GPHN: variants seen among roughly 807,000 people sequenced by gnomAD.
GPHN encodes gephyrin.
GPHN carries 17 observed loss-of-function variants against 95.5 expected under a neutral mutation model. The ratio of observed to expected loss-of-function variants is 0.18; its 90% CI spans 0.12 to 0.27. The LOEUF is 0.27. GPHN is among the 10% of genes least tolerant of loss of function. The pLI is 1.00. For synonymous variants in GPHN, 320 were observed against 322.5 expected (o/e 0.99, Z 0.08); for missense variants, 660 against 978.1 (o/e 0.67, Z 4.34).
chr14:67,537,492 T>C, the GPHN span, among the ~76,000 whole-genome samples: 5 of 150,828 alleles, frequency 3.3e-5, no homozygotes, highest in South Asian at 6.3e-4. Context: ...TGGTGAAACC[T>C]TGTCTTTACA....
At chr14:66,732,901 G>A (rs1297451679) in intron 2 of GPHN, among the ~76,000 whole-genome samples, 1 of 152,150 alleles carries the variant, frequency 6.6e-6, no homozygotes, top group Non-Finnish European at 1.5e-5. Context: ...AATTAATGCT[G>A]AAATGAGTTA....
chr14:66,644,670 TTAAC>T (rs994170164), intron 1 of GPHN, among the ~76,000 whole-genome samples: 2 of 152,082 alleles, frequency 1.3e-5, no homozygotes, highest in African/African-American at 2.4e-5. Context: ...AGACCACAGG[TTAAC>T]TAACTTGCTG....
chr14:67,714,742 T>C, the GPHN span: 1 of 152,142 alleles, frequency 6.6e-6, no homozygotes, highest in Non-Finnish European at 1.5e-5. Context: ...GGGATATAAG[T>C]TGAAAAGAGA....
the GPHN span, among the ~76,000 whole-genome samples, chr14:67,344,689 G>T: frequency 6.6e-6 from 1 of 151,722 alleles, no homozygotes; most frequent in Non-Finnish European, 1.5e-5. Context: ...GACCAGCCTG[G>T]GCAACGTAGC....
chr14:67,185,136 G>T (rs187302487), downstream of GPHN, among the ~76,000 whole-genome samples: 155 of 152,310 alleles, frequency 1.0e-3, no homozygotes, highest in Non-Finnish European at 1.0e-3. Flanking sequence ...GAATTTGTGT[G>T]TGAAAAAAGA....
the GPHN span, among the ~76,000 whole-genome samples, chr14:67,354,987 AT>A: frequency 1.3e-5 from 2 of 151,768 alleles, no homozygotes; most frequent in African/African-American, 4.8e-5. Context: ...CTAATTTTTT[AT>A]TTTTAGTAGA....
intron 9 of GPHN, among the ~76,000 whole-genome samples, chr14:66,971,619 G>A (rs2069789565): frequency 1.3e-5 from 2 of 152,022 alleles, no homozygotes; most frequent in Non-Finnish European, 2.9e-5. Context: ...TTTTATAATT[G>A]TGGATGTTCT....
At chr14:66,777,280 T>C (rs1188702053) in intron 3 of GPHN, among the ~76,000 whole-genome samples, 2 of 152,112 alleles carry the variant, frequency 1.3e-5, no homozygotes, top group Non-Finnish European at 2.9e-5. Context: ...CAGGAAGAAG[T>C]TGAATCTCTG....
intron 8 of GPHN, among the ~76,000 whole-genome samples, chr14:66,947,398 A>C (rs909075328): frequency 6.6e-6 from 1 of 152,146 alleles, no homozygotes; most frequent in Non-Finnish European, 1.5e-5. Flanking sequence ...ACAATTATAT[A>C]CTTATTCATG....
chr14:67,561,340 T>C, the GPHN span, among the ~76,000 whole-genome samples: 1 of 152,080 alleles, frequency 6.6e-6, no homozygotes, highest in Non-Finnish European at 1.5e-5. Context: ...TGCTCGACAC[T>C]AGGAGTTTGA....
intron 11 of GPHN, among the ~76,000 whole-genome samples, chr14:67,067,503 G>GT (rs1698761631): frequency 6.6e-6 from 1 of 152,216 alleles, no homozygotes; most frequent in African/African-American, 2.4e-5. Context: ...AGACAGGGAC[G>GT]TTTAAGTCTG....
chr14:67,694,213 C>T, the GPHN span, among the ~76,000 whole-genome samples: 3 of 152,244 alleles, frequency 2.0e-5, no homozygotes, highest in Middle Eastern at 0.01. Flanking sequence ...CAGATTAACT[C>T]ATGGTCCCCA....
At chr14:67,339,243 C>T in the GPHN span, among the ~76,000 whole-genome samples, 2 of 152,050 alleles carry the variant, frequency 1.3e-5, no homozygotes, top group Non-Finnish European at 2.9e-5. Context: ...GTGATCCACC[C>T]GCCTTGGCCT....
At chr14:67,713,860 G>A in the GPHN span, among the ~76,000 whole-genome samples, 8 of 152,236 alleles carry the variant, frequency 5.3e-5, no homozygotes, top group African/African-American at 1.9e-4. Flanking sequence ...GAAGCAGGGA[G>A]GGGGCTTCCA....
At chr14:67,650,349 T>C in the GPHN span, 7 of 285,810 alleles carry the variant, frequency 2.4e-5, no homozygotes, top group African/African-American at 6.6e-5. Flanking sequence ...ATCTGGAAGG[T>C]TCCTAGTCAT....
intron 5 of GPHN, among the ~76,000 whole-genome samples, chr14:66,904,523 G>A (rs8022801): frequency 0.011 from 1,688 of 152,234 alleles, 26 homozygotes; most frequent in African/African-American, 0.038. Context: ...TAGCTACAGA[G>A]TACTGACTGG....
At chr14:67,165,985 T>C (rs990124183) in intron 20 of GPHN, among the ~76,000 whole-genome samples, 1 of 152,256 alleles carries the variant, frequency 6.6e-6, no homozygotes, top group Non-Finnish European at 1.5e-5. Flanking sequence ...CTTCTGATCA[T>C]TCTGTTCAGT....
intron 2 of GPHN, among the ~76,000 whole-genome samples, chr14:66,768,799 A>G (rs996185535): frequency 6.6e-6 from 1 of 152,012 alleles, no homozygotes; most frequent in African/African-American, 2.4e-5. Context: ...AAGGTAGAAT[A>G]TAGGAGTTTA....
At chr14:67,223,833 T>A in the GPHN span, 42 of 985,676 alleles carry the variant, frequency 4.3e-5, no homozygotes, top group Non-Finnish European at 4.9e-5. Flanking sequence ...CTGTTCCCCT[T>A]CCATACACTT....
Sources: allele counts gnomAD v4.1 joint callset (sites outside exome capture counted in the v4.1 genomes callset), GRCh38; gene constraint gnomAD v4.1.1; transcripts MANE v1.5; gene names NCBI Gene and HGNC (gene_info 2026-07-23, HGNC 2026-07-21).